WDR70: variants seen among roughly 807,000 people sequenced by gnomAD.
WDR70 encodes WD repeat domain 70, also known as WD repeat-containing protein 70.
A neutral mutation model predicts 88.6 loss-of-function variants in WDR70; 53 were observed. That is an observed-to-expected ratio of 0.60 (90% confidence interval 0.48 to 0.75). WDR70 has a LOEUF of 0.75. Ranked by LOEUF, WDR70 falls within the 30% of genes least tolerant of loss-of-function variation. WDR70 has a pLI of 0.00. For missense variants in WDR70, 610 were observed against 823.2 expected, an observed-to-expected ratio of 0.74 and a Z score of 3.17; for synonymous variants, 280 against 270.0, an observed-to-expected ratio of 1.04 and a Z score of -0.36.
At chr5:37,598,577 A>G (rs1477865749) in intron 9 of WDR70, among the ~76,000 whole-genome samples, 1 of 152,204 alleles carries the variant, frequency 6.6e-6, no homozygotes, top group African/African-American at 2.4e-5. Context: ...CAGTTTTCAC[A>G]ATAAGGGAAA....
At chr5:37,456,751 CA>C (rs1738853358) in intron 7 of WDR70, among the ~76,000 whole-genome samples, 1 of 151,928 alleles carries the variant, frequency 6.6e-6, no homozygotes, top group Non-Finnish European at 1.5e-5. Context: ...CAAAGGACAT[CA>C]AAAACAAAAT....
intron 10 of WDR70, among the ~76,000 whole-genome samples, chr5:37,682,399 G>T (rs1446113236): frequency 4.6e-5 from 7 of 151,694 alleles, no homozygotes; most frequent in Non-Finnish European, 7.4e-5. Context: ...CTTTTGAATG[G>T]TTTTTTTGTG....
chr5:37,430,200 T>G lies in WDR70; in HGVS notation c.493-7722T>G, dbSNP rs537652344. Among the ~76,000 whole-genome samples, 18 of 152,334 alleles carry G rather than the reference T, an allele frequency of 1.2e-4. No individual in the cohort carries two copies. In the South Asian group the frequency reaches 3.7e-3, roughly 32 times the overall value. ...ATATATCTCTTAGAGGTAAACCTAGTTCCAATACACCTTTTTATAAAATAT... is the reference window on the plus strand; with the variant it reads ...ATATATCTCTTAGAGGTAAACCTAGGTCCAATACACCTTTTTATAAAATAT... On this transcript the variant is annotated intron_variant, in intron 5 of 17. Coordinates refer to ENST00000265107, the MANE Select transcript of WDR70 (RefSeq NM_018034.4).
In WDR70 at chr5:37,681,028, C is replaced by T. The variant is rs144702472; in HGVS notation, c.1093-16627C>T. On this transcript the variant is annotated intron_variant, in intron 10 of 17. Transcript: ENST00000265107. The stretch of plus-strand genomic sequence containing the variant: ...CATTGAATCTGTAAATTGCTTTGGG[C>T]AGTATGGCCATTTTCTTGATACTGA... Among the ~76,000 whole-genome samples the T allele has an allele frequency of 3.5e-3, 528 of 152,164 alleles. 1 individual carries two copies. The highest frequency in any genetic ancestry group is 4.7e-3 in the Non-Finnish European group (320 of 68,002).
At chr5:37,434,449 T>C (rs1242814382) in intron 5 of WDR70, among the ~76,000 whole-genome samples, 2 of 152,206 alleles carry the variant, frequency 1.3e-5, no homozygotes, top group Non-Finnish European at 2.9e-5. Context: ...ACTTCAGTGA[T>C]TTCTGCGAGA....
intron 10 of WDR70, among the ~76,000 whole-genome samples, chr5:37,646,312 T>C (rs1745238340): frequency 6.6e-6 from 1 of 152,124 alleles, no homozygotes. Context: ...TTGTTTTTAC[T>C]ATTTATATTT....
intron 9 of WDR70, among the ~76,000 whole-genome samples, chr5:37,602,195 G>A (rs1427728251): frequency 6.6e-6 from 1 of 151,990 alleles, no homozygotes; most frequent in Non-Finnish European, 1.5e-5. Context: ...TTCTGCACAT[G>A]TACCCCAGAA....
At chr5:37,548,565 G>C (rs1422099916) in intron 9 of WDR70, among the ~76,000 whole-genome samples, 1 of 152,044 alleles carries the variant, frequency 6.6e-6, no homozygotes. Flanking sequence ...TGGGTAGTTT[G>C]CAAGTATTTT....
At chr5:37,689,924 A>G (rs1746733260) in intron 10 of WDR70, among the ~76,000 whole-genome samples, 1 of 152,228 alleles carries the variant, frequency 6.6e-6, no homozygotes, top group Non-Finnish European at 1.5e-5. Flanking sequence ...GAGCTAAAGG[A>G]ACATGTTTGA....
chr5:37,379,759 G>A (rs1342694926), intron 2 of WDR70, among the ~76,000 whole-genome samples: 1 of 151,916 alleles, frequency 6.6e-6, no homozygotes, highest in Admixed American at 6.6e-5. Context: ...AGAGTCTGGA[G>A]AGAGAGGAAG....
At chr5:37,496,297 C>T (rs1208994404) in intron 8 of WDR70, among the ~76,000 whole-genome samples, 2 of 152,154 alleles carry the variant, frequency 1.3e-5, no homozygotes, top group Non-Finnish European at 2.9e-5. Flanking sequence ...TTGTTTCACT[C>T]TTCACAATAA....
At chr5:37,557,957 A>ACTCTGTTGAAAACTC in intron 9 of WDR70, among the ~76,000 whole-genome samples, 1 of 139,252 alleles carries the variant, frequency 7.2e-6, no homozygotes. Flanking sequence ...TCAAAAGAGT[A>ACTCTGTTGAAAACTC]TTATGTATAT....
At position 37,493,766 on chromosome 5, in the gene WDR70, G is replaced by A. The variant is rs1316563067; in HGVS notation, c.840+13779G>A. 3.3e-5 allele frequency among the ~76,000 whole-genome samples: 5 copies of A among 152,030 alleles called. No homozygotes were observed. The South Asian group carries it at 1.0e-3, about 32-fold the overall frequency. ...ATTAAGTAATGATGAAAGTCCTTGA[G>A]GAGTTGTTAGGGATTGTGATCAAAC... On this transcript the variant is annotated intron_variant, in intron 8 of 17. Transcript: ENST00000265107.
intron 9 of WDR70, among the ~76,000 whole-genome samples, chr5:37,531,663 GGCT>G (rs1741491447): frequency 6.9e-6 from 1 of 143,928 alleles, no homozygotes; most frequent in East Asian, 2.0e-4. Context: ...TCCGTGGAAT[GGCT>G]TTTCAGAAGA....
chr5:37,519,411 T>C (rs1306728985), intron 9 of WDR70, among the ~76,000 whole-genome samples: 49 of 109,644 alleles, frequency 4.5e-4, no homozygotes, highest in African/African-American at 7.1e-4. Context: ...CGCTCCTCAC[T>C]TCCCAGACGG....
intron 5 of WDR70, among the ~76,000 whole-genome samples, chr5:37,435,993 T>C (rs1750454844): frequency 6.6e-6 from 1 of 151,938 alleles, no homozygotes; most frequent in Non-Finnish European, 1.5e-5. Context: ...GTGGGGGAGA[T>C]AGGTAAAAAA....
At chr5:37,578,821 A>G (rs1743130510) in intron 9 of WDR70, among the ~76,000 whole-genome samples, 1 of 152,210 alleles carries the variant, frequency 6.6e-6, no homozygotes, top group African/African-American at 2.4e-5. Flanking sequence ...ACATACAGAA[A>G]CACAGAAAAG....
intron 5 of WDR70, among the ~76,000 whole-genome samples, chr5:37,413,957 C>G (rs1749607379): frequency 6.6e-6 from 1 of 151,748 alleles, no homozygotes; most frequent in Non-Finnish European, 1.5e-5. Flanking sequence ...ACCAGCCTGA[C>G]CAACACGGAG....
chr5:37,494,374 A>G (rs1740154877), intron 8 of WDR70, among the ~76,000 whole-genome samples: 1 of 152,230 alleles, frequency 6.6e-6, no homozygotes, highest in African/African-American at 2.4e-5. Flanking sequence ...GTAAATTTGT[A>G]GAAACAATCA....
Sources: gnomAD v4.1 joint callset for allele counts (sites outside exome capture counted in the v4.1 genomes callset) on GRCh38, gnomAD v4.1.1 for gene constraint, MANE v1.5 for transcripts, NCBI Gene and HGNC (gene_info 2026-07-23, HGNC 2026-07-21) for gene names.